SUSD6: variants seen among roughly 807,000 people sequenced by gnomAD.
SUSD6 encodes sushi domain containing 6, also known as sushi domain-containing protein 6.
Under a neutral mutation model 28.4 loss-of-function variants are expected in SUSD6, and 16 were observed. The ratio of observed to expected loss-of-function variants is 0.56; its 90% confidence interval spans 0.38 to 0.86. The LOEUF is 0.86. Among genes scored for constraint, SUSD6 ranks in the 40% least tolerant of loss-of-function variants. The pLI is 0.00. For synonymous variants in SUSD6, 147 were observed against 159.6 expected (o/e 0.92, Z 0.59); for missense variants, 341 against 384.2 (o/e 0.89, Z 0.94).
intron 2 of SUSD6, among the ~76,000 whole-genome samples, chr14:69,660,660 C>T (rs1409638691): frequency 6.6e-6 from 1 of 152,254 alleles, no homozygotes; most frequent in Non-Finnish European, 1.5e-5. Context: ...GCCCACAGGC[C>T]AAATCCTACC....
chr14:69,688,076 G>A (rs1886099824), intron 2 of SUSD6, among the ~76,000 whole-genome samples: 1 of 152,078 alleles, frequency 6.6e-6, no homozygotes, highest in Admixed American at 6.6e-5. Context: ...TTTGGTTGTT[G>A]TGGTAGAGCC....
chr14:69,665,344 G>A (rs1233543324), intron 2 of SUSD6, among the ~76,000 whole-genome samples: 1 of 152,242 alleles, frequency 6.6e-6, no homozygotes, highest in East Asian at 1.9e-4. Context: ...GGGTTAAAGT[G>A]ATCCTCCCGC....
At chr14:69,666,843 A>G (rs1001796859) in intron 2 of SUSD6, among the ~76,000 whole-genome samples, 11 of 152,140 alleles carry the variant, frequency 7.2e-5, no homozygotes, top group Non-Finnish European at 1.3e-4. Context: ...TTAAATCACA[A>G]AAGTATTTTT....
At chr14:69,649,423 A>G (rs775262936) in intron 1 of SUSD6, among the ~76,000 whole-genome samples, 2 of 152,210 alleles carry the variant, frequency 1.3e-5, no homozygotes, top group Non-Finnish European at 2.9e-5. Context: ...ATATATCTCT[A>G]GGGTCTAGGA....
At chr14:69,649,614 G>A (rs1357580341) in intron 1 of SUSD6, among the ~76,000 whole-genome samples, 1 of 152,168 alleles carries the variant, frequency 6.6e-6, no homozygotes, top group Non-Finnish European at 1.5e-5. Flanking sequence ...GTATTGTTGA[G>A]CACTTGGGGG....
intron 2 of SUSD6, among the ~76,000 whole-genome samples, chr14:69,685,059 G>A (rs1234804966): frequency 6.6e-6 from 1 of 152,166 alleles, no homozygotes; most frequent in African/African-American, 2.4e-5. Flanking sequence ...AAGTCACAGT[G>A]GGAAATTTTC....
intron 1 of SUSD6, among the ~76,000 whole-genome samples, chr14:69,646,512 GC>G (rs367747980): frequency 9.9e-5 from 15 of 152,104 alleles, no homozygotes; most frequent in African/African-American, 3.6e-4. Context: ...TTTCTAATTT[GC>G]CTGCTAGACC....
intron 2 of SUSD6, among the ~76,000 whole-genome samples, chr14:69,695,413 C>T (rs775664569): frequency 2.6e-5 from 4 of 152,174 alleles, no homozygotes; most frequent in East Asian, 3.8e-4. Flanking sequence ...AGGACTTTTG[C>T]GAAGGAACCT....
intron 4 of SUSD6, among the ~76,000 whole-genome samples, chr14:69,706,081 A>G (rs749144576): frequency 2.0e-5 from 3 of 152,196 alleles, no homozygotes; most frequent in Non-Finnish European, 4.4e-5. Context: ...GCTAGATTTA[A>G]TCTCTGTGTA....
intron 1 of SUSD6, among the ~76,000 whole-genome samples, chr14:69,650,488 GTT>G (rs1885488064): frequency 6.6e-6 from 1 of 152,144 alleles, no homozygotes; most frequent in African/African-American, 2.4e-5. Context: ...CAAGTGTTCT[GTT>G]TTACTGATGA....
At chr14:69,675,487 T>G (rs1049582532) in intron 2 of SUSD6, among the ~76,000 whole-genome samples, 10 of 152,004 alleles carry the variant, frequency 6.6e-5, no homozygotes, top group Admixed American at 1.3e-4. Flanking sequence ...GGAACTGTAG[T>G]CTCTGGGGCT....
chr14:69,648,738 A>T (rs1300569430), intron 1 of SUSD6, among the ~76,000 whole-genome samples: 1 of 152,146 alleles, frequency 6.6e-6, no homozygotes, highest in African/African-American at 2.4e-5. Context: ...GACCTGGAGG[A>T]GGTGTTTCCT....
At chr14:69,620,715 A>G (rs74060225) in intron 1 of SUSD6, among the ~76,000 whole-genome samples, 2,785 of 152,328 alleles carry the variant, frequency 0.018, 80 homozygotes, top group African/African-American at 0.063. Context: ...CTTTCTCTGC[A>G]GTGAGCTAGG....
In SUSD6 at chr14:69,714,949, ACT is replaced by A. The variant is rs1344397016; in HGVS notation, c.*3973_*3974del. ...GTTTAAAACAACACATTCATAATTG[ACT>A]CTGTGCAGGATGTCACTCAATCAGT... On this transcript the variant is annotated 3_prime_UTR_variant, in exon 6 of 6. Transcript: ENST00000342745. The A allele has an allele frequency of 6.6e-6, 1 of 151,956 alleles. No homozygotes were observed. The highest frequency in any genetic ancestry group is 2.4e-5 in the African/African-American group (1 of 41,350). 9.4% of individuals were successfully genotyped at this position (151,956 alleles called of 1,614,324 possible). A position where few individuals can be genotyped will look rare whatever the true frequency, so the allele number is the denominator to read the frequency against.
rs181661489 is a variant in SUSD6, at chr14:69,658,004, C to T, written c.-80-509C>T. 1.7e-4 allele frequency among the ~76,000 whole-genome samples: 26 copies of T among 152,352 alleles called. 1 individual carries two copies. The East Asian group carries it at 3.3e-3, about 19-fold the overall frequency. Reference sequence around the variant, plus strand: ...TTCACGGCTGTCGAGTCAGGTCCTCCGGCTCATCAGCCTTTGGCAGTTTAG... The same window carrying T: ...TTCACGGCTGTCGAGTCAGGTCCTCTGGCTCATCAGCCTTTGGCAGTTTAG... On this transcript the variant is annotated intron_variant, in intron 1 of 5. Transcript: ENST00000342745.
At chr14:69,634,390 C>T (rs1434486050) in intron 1 of SUSD6, among the ~76,000 whole-genome samples, 1 of 152,160 alleles carries the variant, frequency 6.6e-6, no homozygotes, top group Non-Finnish European at 1.5e-5. Flanking sequence ...TTTGTCATGT[C>T]ACTGATGTGG....
chr14:69,707,194 A>G (rs888466310), intron 4 of SUSD6, among the ~76,000 whole-genome samples: 3 of 152,178 alleles, frequency 2.0e-5, no homozygotes, highest in Non-Finnish European at 2.9e-5. Flanking sequence ...AATTTGTGTT[A>G]TTGTATTACA....
In SUSD6 at chr14:69,709,694, G is replaced by A. The variant is rs547453096; in HGVS notation, c.886+590G>A. Among the ~76,000 whole-genome samples the A allele has an allele frequency of 2.6e-5, 4 of 152,328 alleles. No individual in the cohort carries two copies. In the South Asian group the frequency reaches 8.3e-4, roughly 32 times the overall value. The stretch of plus-strand genomic sequence containing the variant: ...GTAAATGGCTGAGCTGGGATTTGAA[G>A]CCAGATTCTGCCTTCCAGGTGGCTC... On this transcript the variant is annotated intron_variant, in intron 5 of 5. Transcript: ENST00000342745.
Position 69,711,304 on chromosome 14 carries a change from C to T in SUSD6, c.*325C>T. On this transcript the variant is annotated 3_prime_UTR_variant, in exon 6 of 6. Transcript: ENST00000342745. The stretch of plus-strand genomic sequence containing the variant: ...TCCCCTCCAGCCAGCTCTTTGGCGG[C>T]AGCCCCCACCAGCTCCTGTGGGCCT... The T allele has an allele frequency of 2.5e-6, 1 of 393,068 alleles. No individual in the cohort carries two copies. Among genetic ancestry groups the T allele is most frequent in the East Asian group, 5.1e-5 (1 of 19,714 alleles). 24.3% of individuals were successfully genotyped at this position (393,068 alleles called of 1,614,324 possible).
Sources: gnomAD v4.1 joint callset for allele counts (sites outside exome capture counted in the v4.1 genomes callset) on GRCh38, gnomAD v4.1.1 for gene constraint, MANE v1.5 for transcripts, NCBI Gene and HGNC (gene_info 2026-07-23, HGNC 2026-07-21) for gene names.